IL6R: variants seen among roughly 807,000 people sequenced by gnomAD.
The protein encoded by IL6R is interleukin-6 receptor subunit alpha.
A neutral mutation model predicts 48.3 loss-of-function variants in IL6R; 38 were observed. The observed-to-expected ratio is 0.79, with a 90% CI of 0.61 to 1.03. IL6R has a LOEUF of 1.03. Ranked by LOEUF, IL6R falls within the 50% of genes least tolerant of loss-of-function variation. The pLI is 0.00. For missense variants in IL6R, 534 were observed against 618.3 expected (o/e 0.86, Z 1.45); for synonymous variants, 264 against 256.2 (o/e 1.03, Z -0.29).
chr1:154,432,008 A>C (rs1286210539), intron 3 of IL6R, among the ~76,000 whole-genome samples: 4 of 152,212 alleles, frequency 2.6e-5, no homozygotes, highest in Non-Finnish European at 5.9e-5. Context: ...ACCTCAGATA[A>C]GGCAGGACTA....
rs1462906580 is a variant in IL6R at position 154,406,100 on chromosome 1, G to A, written c.85+386G>A. On this transcript the variant is annotated intron_variant, in intron 1 of 9. Transcript: ENST00000368485. ...CTGCCCGAGAGGGCGCGCCCCAGCG[G>A]GGTGATGTACCCGCCTGGGGAGTCC... Among the ~76,000 whole-genome samples the A allele has an allele frequency of 2.6e-5, 4 of 152,196 alleles. No homozygotes were observed. In the East Asian group the frequency reaches 7.7e-4, roughly 29 times the overall value.
chr1:154,461,419 C>T (rs1199142538), intron 9 of IL6R, among the ~76,000 whole-genome samples: 1 of 152,168 alleles, frequency 6.6e-6, no homozygotes, highest in Non-Finnish European at 1.5e-5. Flanking sequence ...GGTGCCTTCC[C>T]AGACACTGGC....
At chr1:154,434,414 C>A in intron 3 of IL6R, 105 bp from the exon 4 acceptor site, 1 of 925,554 alleles carries the variant, frequency 1.1e-6, no homozygotes, top group Non-Finnish European at 1.7e-6. Context: ...GCTTATAAGT[C>A]TGGAGCTGGG....
chr1:154,459,363 A>G (rs538059444), intron 9 of IL6R, among the ~76,000 whole-genome samples: 2 of 152,330 alleles, frequency 1.3e-5, no homozygotes, highest in East Asian at 3.9e-4. Context: ...TCTTCTGTAT[A>G]AGGCAAATTT....
chr1:154,462,837 T>G (rs1691345269), intron 9 of IL6R, among the ~76,000 whole-genome samples: 3 of 152,008 alleles, frequency 2.0e-5, no homozygotes, highest in African/African-American at 7.2e-5. Flanking sequence ...TTGAGACACA[T>G]CACTCTGTCA....
At chr1:154,457,710 A>G (rs1690970904) in intron 9 of IL6R, among the ~76,000 whole-genome samples, 1 of 152,164 alleles carries the variant, frequency 6.6e-6, no homozygotes, top group African/African-American at 2.4e-5. Context: ...GCTTTTTTTC[A>G]TAAGCTGAAA....
chr1:154,441,568 G>C (rs1168669732), intron 6 of IL6R, among the ~76,000 whole-genome samples: 3 of 152,166 alleles, frequency 2.0e-5, no homozygotes, highest in Non-Finnish European at 2.9e-5. Flanking sequence ...TGACGCAAGA[G>C]GGGGATTCAG....
At chr1:154,462,906 C>G (rs983719765) in intron 9 of IL6R, among the ~76,000 whole-genome samples, 2 of 152,172 alleles carry the variant, frequency 1.3e-5, no homozygotes, top group African/African-American at 4.8e-5. Context: ...TTCCTGGGTT[C>G]AAGCAATTCT....
chr1:154,440,406 G>A (rs1385259562), intron 6 of IL6R, among the ~76,000 whole-genome samples: 1 of 152,084 alleles, frequency 6.6e-6, no homozygotes, highest in Non-Finnish European at 1.5e-5. Context: ...CAGTTCTTTT[G>A]TGTATATACT....
intron 9 of IL6R, among the ~76,000 whole-genome samples, chr1:154,461,019 C>G (rs1377154509): frequency 6.6e-6 from 1 of 152,134 alleles, no homozygotes; most frequent in Non-Finnish European, 1.5e-5. Flanking sequence ...GGTAAATCTT[C>G]TAAGTGATTG....
chr1:154,439,771 C>T (rs1423426490), intron 6 of IL6R, among the ~76,000 whole-genome samples: 2 of 152,346 alleles, frequency 1.3e-5, no homozygotes, highest in East Asian at 1.9e-4. Flanking sequence ...TCCCCCAGCT[C>T]GTGGCAACCA....
intron 3 of IL6R, among the ~76,000 whole-genome samples, chr1:154,430,869 C>A (rs1689258635): frequency 6.6e-6 from 1 of 152,158 alleles, no homozygotes; most frequent in African/African-American, 2.4e-5. Context: ...ATTTTTCTCA[C>A]TTAACAGATG....
chr1:154,455,441 C>CTTTCT (rs1360702717), intron 9 of IL6R, among the ~76,000 whole-genome samples: 12 of 148,244 alleles, frequency 8.1e-5, no homozygotes, highest in Admixed American at 4.0e-4. Context: ...TTTTCTTTCT[C>CTTTCT]TTTCTTTTCT....
chr1:154,436,160 A>C (rs1207824094), intron 6 of IL6R, 50 bp downstream of exon 6: 1 of 1,556,856 alleles, frequency 6.4e-7, no homozygotes, highest in Non-Finnish European at 8.8e-7. Flanking sequence ...CTGTCATTGC[A>C]TCAGGTATCC....
At position 154,465,416 on chromosome 1, in the gene IL6R, A is replaced by T. The variant is rs564815270; in HGVS notation, c.*36A>T. ...GGCACCAGCAGCCTGGACCCTGTGGATGATAAAACACAAACGGGCTCAGCA... is the reference window on the plus strand; with the variant it reads ...GGCACCAGCAGCCTGGACCCTGTGGTTGATAAAACACAAACGGGCTCAGCA... On this transcript the variant is annotated 3_prime_UTR_variant, in exon 10 of 10. Transcript: ENST00000368485. 6.2e-7 allele frequency: 1 copy of T among 1,611,146 alleles called. No homozygotes were observed. The highest frequency in any genetic ancestry group is 1.7e-5 in the Admixed American group (1 of 59,964).
chr1:154,444,947 CA>C, intron 6 of IL6R: 1 of 411,886 alleles, frequency 2.4e-6, no homozygotes. Flanking sequence ...CCGCCCCCCC[CA>C]AATGAGGAAG....
chr1:154,453,347 G>A (rs898433299), intron 8 of IL6R, among the ~76,000 whole-genome samples: 1 of 152,238 alleles, frequency 6.6e-6, no homozygotes, highest in Non-Finnish European at 1.5e-5. Flanking sequence ...GCCAGCGCCC[G>A]CTCACCAGTC....
At chr1:154,445,071 G>C (rs1299315117) in intron 6 of IL6R, 1 of 456,214 alleles carries the variant, frequency 2.2e-6, no homozygotes, top group Non-Finnish European at 4.4e-6. Flanking sequence ...ACCATCCCGG[G>C]TGGCATTTGG....
intron 1 of IL6R, among the ~76,000 whole-genome samples, chr1:154,427,202 G>A (rs1689025563): frequency 6.6e-6 from 1 of 152,134 alleles, no homozygotes; most frequent in South Asian, 2.1e-4. Flanking sequence ...ACAGGTGTGA[G>A]GCCCAGCTGG....
Sources: gnomAD v4.1 joint callset for allele counts (sites outside exome capture counted in the v4.1 genomes callset) on GRCh38, gnomAD v4.1.1 for gene constraint, MANE v1.5 for transcripts, NCBI Gene and HGNC (gene_info 2026-07-23, HGNC 2026-07-21) for gene names.